COG5: variants seen among roughly 807,000 people sequenced by gnomAD.
COG5 encodes the protein conserved oligomeric Golgi complex subunit 5.
Under a neutral mutation model 110.4 loss-of-function variants are expected in COG5, and 86 were observed. The ratio of observed to expected loss-of-function variants is 0.78; its 90% CI spans 0.65 to 0.93. COG5 has a LOEUF of 0.93. COG5 is among the 40% of genes least tolerant of loss of function. The pLI is 0.00. For missense variants in COG5, 1,077 were observed against 987.0 expected, an observed-to-expected ratio of 1.09 and a Z score of -1.22; for synonymous variants, 360 against 334.6, an observed-to-expected ratio of 1.08 and a Z score of -0.83.
At chr7:107,434,037 G>A (rs1408259557) in intron 6 of COG5, among the ~76,000 whole-genome samples, 1 of 152,116 alleles carries the variant, frequency 6.6e-6, no homozygotes, top group East Asian at 1.9e-4. Flanking sequence ...GAGACAGGTG[G>A]CCAACAAGCA....
At chr7:107,248,306 G>T in intron 17 of COG5, 90 bp downstream of exon 17, 1 of 841,100 alleles carries the variant, frequency 1.2e-6, no homozygotes, top group Non-Finnish European at 2.1e-6. Flanking sequence ...GCCCTGGATG[G>T]CAGGGGGGCA....
intron 6 of COG5, among the ~76,000 whole-genome samples, chr7:107,430,216 T>C (rs1793924064): frequency 1.3e-5 from 2 of 152,206 alleles, no homozygotes; most frequent in African/African-American, 4.8e-5. Flanking sequence ...TAACAGATTG[T>C]ATGGTTTTAG....
intron 5 of COG5, among the ~76,000 whole-genome samples, chr7:107,540,466 T>C (rs906359095): frequency 6.6e-6 from 1 of 151,502 alleles, no homozygotes; most frequent in Non-Finnish European, 1.5e-5. Context: ...TAGTCCCAGC[T>C]ACTTGGGAGG....
intron 6 of COG5, among the ~76,000 whole-genome samples, chr7:107,416,512 G>A (rs1482800031): frequency 1.3e-5 from 2 of 152,068 alleles, no homozygotes; most frequent in South Asian, 2.1e-4. Context: ...TAGCAGATAC[G>A]TTATTCTAAT....
At chr7:107,315,155 A>G (rs3801960) in intron 11 of COG5, among the ~76,000 whole-genome samples, 136 of 140,252 alleles carry the variant, frequency 9.7e-4, no homozygotes, top group Admixed American at 1.9e-3. Context: ...ATACTATTCT[A>G]ATCTTTTTTT....
chr7:107,412,490 T>C lies in COG5; in HGVS notation c.669+12A>G. On this transcript the variant is annotated intron_variant, in intron 7 of 21. Coordinates refer to ENST00000297135, the MANE Select transcript of COG5 (RefSeq NM_006348.5). ...CATTTTTTACATTAAAAAACAGTCT[T>C]ATTTTTATTACCTGAGTCTCCAAAC... is the stretch of plus-strand genomic sequence containing the variant. The C allele has an allele frequency of 6.2e-7, 1 of 1,611,734 alleles. No homozygotes were observed. Among genetic ancestry groups the C allele is most frequent in the Non-Finnish European group, 8.5e-7 (1 of 1,179,264 alleles).
chr7:107,530,745 T>C (rs1430729131), intron 5 of COG5, among the ~76,000 whole-genome samples: 2 of 152,148 alleles, frequency 1.3e-5, no homozygotes, highest in Non-Finnish European at 2.9e-5. Context: ...AAGTCTAAGC[T>C]ATTATAAGTT....
chr7:107,495,992 G>C (rs772106027), intron 6 of COG5, among the ~76,000 whole-genome samples: 28 of 150,632 alleles, frequency 1.9e-4, no homozygotes, highest in Non-Finnish European at 3.2e-4. Flanking sequence ...ATTCTGCTCA[G>C]GCTGGTCTTG....
intron 6 of COG5, among the ~76,000 whole-genome samples, chr7:107,452,672 T>A: frequency 6.6e-6 from 1 of 152,254 alleles, no homozygotes; most frequent in East Asian, 1.9e-4. Context: ...TTGTGAGGCC[T>A]CCCCAGCCAT....
intron 3 of COG5, among the ~76,000 whole-genome samples, chr7:107,548,728 A>G (rs929230493): frequency 6.6e-6 from 1 of 152,234 alleles, no homozygotes; most frequent in Non-Finnish European, 1.5e-5. Context: ...CATTACCAAA[A>G]AAGTATGACT....
chr7:107,329,351 G>T (rs1810044176), intron 10 of COG5, among the ~76,000 whole-genome samples: 1 of 151,554 alleles, frequency 6.6e-6, no homozygotes, highest in Non-Finnish European at 1.5e-5. Context: ...GAGGGAATGG[G>T]AAAGTATAGA....
At chr7:107,553,041 A>T (rs985679946) in intron 3 of COG5, among the ~76,000 whole-genome samples, 1 of 152,208 alleles carries the variant, frequency 6.6e-6, no homozygotes, top group Non-Finnish European at 1.5e-5. Context: ...AGTCTCACTT[A>T]TAAGTGGGAG....
intron 10 of COG5, among the ~76,000 whole-genome samples, chr7:107,350,554 T>G (rs1010514452): frequency 6.6e-6 from 1 of 152,174 alleles, no homozygotes; most frequent in Non-Finnish European, 1.5e-5. Flanking sequence ...CATTTTGCAT[T>G]GTTTTTATTT....
intron 6 of COG5, among the ~76,000 whole-genome samples, chr7:107,433,359 T>C (rs968928556): frequency 6.6e-6 from 1 of 152,144 alleles, no homozygotes. Flanking sequence ...CTAAAATTCA[T>C]ATGGAATCTC....
chr7:107,256,650 A>C, intron 16 of COG5, 82 bp downstream of exon 16: 1 of 856,958 alleles, frequency 1.2e-6, no homozygotes, highest in South Asian at 1.4e-5. Flanking sequence ...GAATTATTAT[A>C]AAATGTGACA....
chr7:107,214,934 A>G (rs1799416344), intron 19 of COG5, among the ~76,000 whole-genome samples: 1 of 151,888 alleles, frequency 6.6e-6, no homozygotes, highest in Admixed American at 6.6e-5. Context: ...AAAAAAAAAA[A>G]GAAAAAAGAA....
intron 11 of COG5, among the ~76,000 whole-genome samples, chr7:107,313,543 C>T (rs2117008156): frequency 6.6e-6 from 1 of 152,230 alleles, no homozygotes; most frequent in Admixed American, 6.5e-5. Flanking sequence ...TCTCACTGAG[C>T]CAAAATCAAT....
intron 1 of COG5, among the ~76,000 whole-genome samples, chr7:107,561,698 C>T (rs895933681): frequency 1.3e-5 from 2 of 152,174 alleles, no homozygotes; most frequent in East Asian, 1.9e-4. Context: ...GAGACTCGGC[C>T]GGGCGTGGTG....
At chr7:107,432,010 T>C (rs1407121764) in intron 6 of COG5, among the ~76,000 whole-genome samples, 1 of 152,056 alleles carries the variant, frequency 6.6e-6, no homozygotes, top group Non-Finnish European at 1.5e-5. Context: ...GAACTGCTAT[T>C]TTAAACAGGA....
Sources: gnomAD v4.1 joint callset for allele counts (sites outside exome capture counted in the v4.1 genomes callset) on GRCh38, gnomAD v4.1.1 for gene constraint, MANE v1.5 for transcripts, NCBI Gene and HGNC (gene_info 2026-07-23, HGNC 2026-07-21) for gene names.